AGPAT5: variants seen among roughly 807,000 people sequenced by gnomAD.
AGPAT5 encodes 1-acylglycerol-3-phosphate O-acyltransferase 5, also known as 1-acyl-sn-glycerol-3-phosphate acyltransferase epsilon.
AGPAT5 carries 46 observed loss-of-function variants against 45.6 expected under a neutral mutation model. That is an observed-to-expected ratio of 1.01 (90% CI 0.80 to 1.29). The LOEUF is 1.29. Ranked by LOEUF, AGPAT5 falls within the 50% of genes most tolerant of loss-of-function variation. The pLI, the probability that AGPAT5 is intolerant of heterozygous loss-of-function variation, is 0.00. For missense variants in AGPAT5, 673 were observed against 450.7 expected, an observed-to-expected ratio of 1.49 and a Z score of -4.47; for synonymous variants, 272 against 167.0, an observed-to-expected ratio of 1.63 and a Z score of -4.85.
At chr8:6,729,554 A>G (rs1424383767) in intron 2 of AGPAT5, among the ~76,000 whole-genome samples, 1 of 152,134 alleles carries the variant, frequency 6.6e-6, no homozygotes, top group African/African-American at 2.4e-5. Context: ...GATAGTTTGT[A>G]GCCATTTACT....
At chr8:6,709,483 A>G (rs896517876) in intron 1 of AGPAT5, 1 of 152,144 alleles carries the variant, frequency 6.6e-6, no homozygotes, top group African/African-American at 2.4e-5. Context: ...CTCTGTAGAG[A>G]TTGGATTCGT....
At chr8:6,740,731 G>A (rs1453999294) in intron 4 of AGPAT5, among the ~76,000 whole-genome samples, 1 of 152,056 alleles carries the variant, frequency 6.6e-6, no homozygotes, top group Non-Finnish European at 1.5e-5. Flanking sequence ...AGGTCATCCA[G>A]ATGAAGGAAG....
intron 3 of AGPAT5, among the ~76,000 whole-genome samples, chr8:6,731,052 A>G (rs1011579369): frequency 2.6e-5 from 4 of 151,884 alleles, no homozygotes; most frequent in African/African-American, 9.7e-5. Context: ...TATTTTTTGT[A>G]GAGATGGGGG....
In AGPAT5 at chr8:6,760,755, GA is replaced by G. The variant is rs1352419346; in HGVS notation, c.*3370del. On this transcript the variant is annotated 3_prime_UTR_variant, in exon 8 of 8. Transcript: ENST00000285518. ...CTCACACTTTTTGATTAAAGAACTT[GA>G]AATTACGTTATCACTTAGTATAATT... is the stretch of plus-strand genomic sequence containing the variant. 6.6e-6 allele frequency among the ~76,000 whole-genome samples: 1 copy of G among 152,108 alleles called. No individual in the cohort carries two copies. Among genetic ancestry groups the G allele is most frequent in the Non-Finnish European group, 1.5e-5 (1 of 68,030 alleles).
intron 2 of AGPAT5, among the ~76,000 whole-genome samples, chr8:6,725,718 G>T (rs116170755): frequency 3.3e-5 from 5 of 152,046 alleles, no homozygotes; most frequent in Non-Finnish European, 7.4e-5. Flanking sequence ...CTTTTGATGC[G>T]TACTTCCTAA....
chr8:6,728,965 C>T (rs1000226823), intron 2 of AGPAT5, among the ~76,000 whole-genome samples: 2 of 152,148 alleles, frequency 1.3e-5, no homozygotes, highest in Non-Finnish European at 2.9e-5. Context: ...AACCCAATAA[C>T]ACAGGTTGTG....
chr8:6,739,437 C>G (rs1007133026), intron 4 of AGPAT5, among the ~76,000 whole-genome samples: 2 of 152,028 alleles, frequency 1.3e-5, no homozygotes, highest in Admixed American at 1.3e-4. Context: ...CATTTGTTTA[C>G]TTAGGTCTTC....
intron 5 of AGPAT5, 41 bp downstream of exon 5, chr8:6,741,792 G>C (rs755668602): frequency 3.4e-6 from 5 of 1,462,812 alleles, no homozygotes; most frequent in East Asian, 4.5e-5. Context: ...AATTTTCAAA[G>C]ATAATAACAT....
At position 6,757,377 on chromosome 8, in the gene AGPAT5, A is replaced by T; in HGVS notation, c.1084A>T (p.Ile362Phe). The change falls in exon 8 of 8, where the codon ATT (isoleucine) becomes TTT (phenylalanine). Residue 362 changes from isoleucine (I) to phenylalanine (F), a missense_variant. Transcript: ENST00000285518. ...CCTACTTGGCTGCCTGTGGGTTACT[A>T]TTAAAGCATAGACAAGTAGCTGTCT... Reference protein sequence around the residue: ...GTLLGCLWVTIKA With the variant: ...GTLLGCLWVTFKA 2 of 1,614,050 alleles carry T rather than the reference A, an allele frequency of 1.2e-6. No individual in the cohort carries two copies. Among genetic ancestry groups the T allele is most frequent in the Non-Finnish European group, 1.7e-6 (2 of 1,179,896 alleles).
chr8:6,719,424 G>A (rs1349453190), intron 1 of AGPAT5, among the ~76,000 whole-genome samples: 1 of 152,164 alleles, frequency 6.6e-6, no homozygotes, highest in Non-Finnish European at 1.5e-5. Context: ...GAAAAGATTA[G>A]AAACATAAAG....
chr8:6,708,925 CGA>C (rs752943962), intron 1 of AGPAT5, 38 bp downstream of exon 1: 1 of 1,571,506 alleles, frequency 6.4e-7, no homozygotes, highest in South Asian at 1.1e-5. Flanking sequence ...GGCGTCCACC[CGA>C]GCTCCCGGGG....
At chr8:6,740,163 A>C (rs1293745169) in intron 4 of AGPAT5, among the ~76,000 whole-genome samples, 1 of 152,142 alleles carries the variant, frequency 6.6e-6, no homozygotes, top group African/African-American at 2.4e-5. Context: ...CATCTAAGAC[A>C]GCAAATAATA....
chr8:6,747,266 C>T (rs971271560), intron 5 of AGPAT5, among the ~76,000 whole-genome samples: 1 of 152,192 alleles, frequency 6.6e-6, no homozygotes, highest in Non-Finnish European at 1.5e-5. Context: ...GCGAAAGAAG[C>T]CAGAAACAGG....
chr8:6,729,609 C>G (rs1330689434), intron 2 of AGPAT5, among the ~76,000 whole-genome samples: 1 of 152,110 alleles, frequency 6.6e-6, no homozygotes, highest in Non-Finnish European at 1.5e-5. Flanking sequence ...TATCATTTGT[C>G]TCCTGAATTT....
At chr8:6,718,639 C>G (rs183622815) in intron 1 of AGPAT5, among the ~76,000 whole-genome samples, 7 of 152,292 alleles carry the variant, frequency 4.6e-5, no homozygotes, top group African/African-American at 1.4e-4. Context: ...CATGGATAGC[C>G]CACTACTAGT....
At chr8:6,753,342 G>T (rs572502898) in intron 6 of AGPAT5, among the ~76,000 whole-genome samples, 2 of 152,208 alleles carry the variant, frequency 1.3e-5, no homozygotes, top group South Asian at 2.1e-4. Context: ...GGTATCTGCA[G>T]TGTTGACCAG....
chr8:6,720,014 A>G (rs2928625), intron 1 of AGPAT5, among the ~76,000 whole-genome samples: 111,062 of 152,108 alleles, frequency 0.73, 41,699 homozygotes, highest in African/African-American at 0.9. Context: ...CCATGATTGG[A>G]TTGTCCTGCT....
chr8:6,739,265 C>A (rs976121614), intron 4 of AGPAT5, among the ~76,000 whole-genome samples: 7 of 152,052 alleles, frequency 4.6e-5, no homozygotes, highest in African/African-American at 1.4e-4. Context: ...GTTGTTTTGG[C>A]TATTTTAGGT....
At position 6,753,627 on chromosome 8, in the gene AGPAT5, C is replaced by G. The variant is rs548799579; in HGVS notation, c.746-1424C>G. 5.3e-5 allele frequency among the ~76,000 whole-genome samples: 8 copies of G among 152,182 alleles called. No homozygotes were observed. In the South Asian group the frequency reaches 1.7e-3, roughly 32 times the overall value. ...GAGGCGGACAGTTGTCCAAGGTTAC[C>G]CCAGAGGTGGAGATCCAGGCTACCT... On this transcript the variant is annotated intron_variant, in intron 6 of 7. Coordinates refer to ENST00000285518, the MANE Select transcript of AGPAT5 (RefSeq NM_018361.5).
Sources: allele counts gnomAD v4.1 joint callset (sites outside exome capture counted in the v4.1 genomes callset), GRCh38; gene constraint gnomAD v4.1.1; transcripts MANE v1.5; gene names NCBI Gene and HGNC (gene_info 2026-07-23, HGNC 2026-07-21).